Variants in RBFOX3 observed in about 807,000 individuals in gnomAD.
RBFOX3 encodes the protein RNA binding protein fox-1 homolog 3.
In RBFOX3, 17 loss-of-function variants were observed where a neutral mutation model predicts 48.7. The ratio of observed to expected loss-of-function variants is 0.35; its 90% confidence interval spans 0.24 to 0.52. The LOEUF is 0.52. Ranked by LOEUF, RBFOX3 falls within the 20% of genes least tolerant of loss-of-function variation. The pLI is 0.94. For synonymous variants in RBFOX3, 212 were observed against 209.5 expected, an observed-to-expected ratio of 1.01 and a Z score of -0.10; for missense variants, 382 against 497.5, an observed-to-expected ratio of 0.77 and a Z score of 2.21.
intron 10 of RBFOX3, 132 bp from the exon 11 acceptor site, chr17:79,097,556 CTCAG>C (rs2075590618): frequency 1.4e-5 from 19 of 1,337,664 alleles, no homozygotes; most frequent in Non-Finnish European, 1.9e-5. Flanking sequence ...CGGAGCGCTA[CTCAG>C]TCAACACGGC....
chr17:79,136,331 C>T (rs1308856431), intron 4 of RBFOX3: 1 of 152,380 alleles, frequency 6.6e-6, no homozygotes, highest in East Asian at 1.9e-4. Context: ...AGTTGCACCC[C>T]TATGTAAGGT....
intron 12 of RBFOX3, among the ~76,000 whole-genome samples, chr17:79,096,196 G>T (rs2075213157): frequency 6.6e-6 from 1 of 152,196 alleles, no homozygotes; most frequent in African/African-American, 2.4e-5. Context: ...CAGCACATGT[G>T]GCCCCATGAA....
chr17:79,389,469 C>T (rs370758100), intron 2 of RBFOX3, among the ~76,000 whole-genome samples: 1 of 152,184 alleles, frequency 6.6e-6, no homozygotes, highest in East Asian at 1.9e-4. Flanking sequence ...GCTGACAGCC[C>T]TTGAGGGGGT....
At chr17:79,246,465 G>A (rs2063183031) in intron 3 of RBFOX3, among the ~76,000 whole-genome samples, 1 of 152,236 alleles carries the variant, frequency 6.6e-6, no homozygotes, top group Non-Finnish European at 1.5e-5. Context: ...AAGGGAAGCG[G>A]AGTCCCTGTC....
chr17:79,407,793 C>T (rs756015388), intron 2 of RBFOX3, among the ~76,000 whole-genome samples: 1 of 152,160 alleles, frequency 6.6e-6, no homozygotes, highest in East Asian at 1.9e-4. Flanking sequence ...GAATGCAAGG[C>T]GCCCTCTGAG....
intron 2 of RBFOX3, among the ~76,000 whole-genome samples, chr17:79,452,587 G>T (rs1447405460): frequency 6.6e-6 from 1 of 152,158 alleles, no homozygotes; most frequent in Non-Finnish European, 1.5e-5. Context: ...GTGGGGGAGT[G>T]GGAAAGGGAA....
chr17:79,285,676 T>C (rs1298081504), intron 3 of RBFOX3, among the ~76,000 whole-genome samples: 1 of 149,050 alleles, frequency 6.7e-6, no homozygotes, highest in Non-Finnish European at 1.5e-5. Flanking sequence ...TTTCATGCAT[T>C]GGTTTTTGTT....
chr17:79,294,524 C>G (rs1192671997), intron 3 of RBFOX3, among the ~76,000 whole-genome samples: 2 of 152,118 alleles, frequency 1.3e-5, no homozygotes, highest in Non-Finnish European at 2.9e-5. Context: ...TTTGGCCAGA[C>G]TGGTCTCGAA....
the RBFOX3 span, among the ~76,000 whole-genome samples, chr17:79,655,164 G>T: frequency 6.6e-6 from 1 of 152,160 alleles, no homozygotes; most frequent in Non-Finnish European, 1.5e-5. Context: ...GTCCTGCACT[G>T]GTCCCTGGGG....
At chr17:79,296,689 C>G (rs1433501883) in intron 3 of RBFOX3, among the ~76,000 whole-genome samples, 2 of 150,550 alleles carry the variant, frequency 1.3e-5, no homozygotes, top group African/African-American at 4.9e-5. Context: ...TCCCTCCTCC[C>G]CTTCCTCCTC....
intron 4 of RBFOX3, among the ~76,000 whole-genome samples, chr17:79,184,804 G>A (rs1368477658): frequency 6.6e-6 from 1 of 151,854 alleles, no homozygotes; most frequent in Non-Finnish European, 1.5e-5. Flanking sequence ...CCTGGCAGTG[G>A]GGAGATGGCT....
chr17:79,166,097 C>T (rs894785601), intron 4 of RBFOX3, among the ~76,000 whole-genome samples: 4 of 152,328 alleles, frequency 2.6e-5, no homozygotes, highest in African/African-American at 7.2e-5. Context: ...GTGATTGGAA[C>T]TAGGTACAAC....
At chr17:79,179,443 C>T (rs1327367010) in intron 4 of RBFOX3, among the ~76,000 whole-genome samples, 1 of 152,164 alleles carries the variant, frequency 6.6e-6, no homozygotes, top group Non-Finnish European at 1.5e-5. Flanking sequence ...CTTGATTGAG[C>T]ACACACGGAG....
intron 4 of RBFOX3, among the ~76,000 whole-genome samples, chr17:79,167,240 G>C (rs2048186789): frequency 6.6e-6 from 1 of 152,174 alleles, no homozygotes; most frequent in Admixed American, 6.5e-5. Context: ...ACAGTGCCAG[G>C]CACAGTGCCA....
intron 2 of RBFOX3, among the ~76,000 whole-genome samples, chr17:79,417,646 T>G (rs1166910648): frequency 6.6e-6 from 1 of 152,210 alleles, no homozygotes; most frequent in Admixed American, 6.5e-5. Context: ...GCGCCGCTGC[T>G]GCGGAAAAGG....
At chr17:79,545,434 C>T (rs903039327) in intron 1 of RBFOX3, among the ~76,000 whole-genome samples, 19 of 152,296 alleles carry the variant, frequency 1.2e-4, no homozygotes, top group African/African-American at 3.6e-4. Context: ...GTCCCACCGG[C>T]GACCACCCCA....
intron 4 of RBFOX3, among the ~76,000 whole-genome samples, chr17:79,128,818 C>A (rs1284005758): frequency 1.3e-5 from 2 of 152,176 alleles, no homozygotes; most frequent in Non-Finnish European, 2.9e-5. Context: ...GGGAGTCATC[C>A]CCAAGGTGCA....
At chr17:79,520,896 C>T (rs1192778326) in intron 1 of RBFOX3, among the ~76,000 whole-genome samples, 1 of 152,230 alleles carries the variant, frequency 6.6e-6, no homozygotes, top group Non-Finnish European at 1.5e-5. Context: ...TCCAGCTACA[C>T]GAATTATAGT....
At position 79,254,424 on chromosome 17, in the gene RBFOX3, C is replaced by T. The variant is rs551482187; in HGVS notation, c.-73-18619G>A. On this transcript the variant is annotated intron_variant, in intron 3 of 14. Coordinates refer to ENST00000693108, the MANE Select transcript of RBFOX3 (RefSeq NM_001350451.2). This position sits in a 1 kb window ranked among gnomAD's most constrained non-coding sequence, Gnocchi z 4.8. The stretch of plus-strand genomic sequence containing the variant: ...GCCCCCCAATCCAGGACACATGGCA[C>T]CAGGGCCCAGCCTTGAGACCAACCA... 7.9e-5 allele frequency among the ~76,000 whole-genome samples: 12 copies of T among 152,128 alleles called. No individual in the cohort carries two copies. In the South Asian group the frequency reaches 1.9e-3, roughly 24 times the overall value.
Sources: gnomAD v4.1 joint callset for allele counts (sites outside exome capture counted in the v4.1 genomes callset) on GRCh38, gnomAD v4.1.1 for gene constraint, Gnocchi (gnomAD v3.1) non-coding constraint, MANE v1.5 for transcripts, NCBI Gene and HGNC (gene_info 2026-07-23, HGNC 2026-07-21) for gene names.